Variants in COL28A1 observed in about 807,000 individuals in gnomAD.
COL28A1 encodes the protein collagen type XXVIII alpha 1 chain.
COL28A1 carries 161 observed loss-of-function variants against 150.2 expected under a neutral mutation model. The observed-to-expected ratio is 1.07, with a 90% CI of 0.94 to 1.22. COL28A1 has a LOEUF of 1.22. Among genes scored for constraint, COL28A1 ranks in the 50% most tolerant of loss-of-function variants. The probability of loss-of-function intolerance (pLI) is 0.00; values close to 1 mark genes in which losing one functional copy is unlikely to be tolerated. For missense variants in COL28A1, 1,617 were observed against 1,388.3 expected (o/e 1.16, Z -2.62); for synonymous variants, 552 against 469.7 (o/e 1.18, Z -2.26).
At chr7:7,532,239 T>C (rs1013876862) in intron 2 of COL28A1, among the ~76,000 whole-genome samples, 1 of 152,114 alleles carries the variant, frequency 6.6e-6, no homozygotes, top group African/African-American at 2.4e-5. Flanking sequence ...CTGAGCATAG[T>C]TGTCTAGAAG....
chr7:7,358,626 T>A lies in COL28A1; in HGVS notation c.*7A>T, dbSNP rs1780457854. On this transcript the variant is annotated 3_prime_UTR_variant, in exon 35 of 35. Transcript: ENST00000399429. ...TGCTTTTGATAGAGACAGGCCAATT[T>A]ACTTGCTCATCCTTGAATGCAGGTT... 2.5e-6 allele frequency: 4 copies of A among 1,613,678 alleles called. No homozygotes were observed. The South Asian group carries it at 4.4e-5, about 18-fold the overall frequency.
intron 4 of COL28A1, among the ~76,000 whole-genome samples, chr7:7,523,707 T>A (rs1488087310): frequency 6.6e-6 from 1 of 152,190 alleles, no homozygotes; most frequent in African/African-American, 2.4e-5. Flanking sequence ...GTGCTAAGGC[T>A]CGTCCAATCT....
intron 8 of COL28A1, among the ~76,000 whole-genome samples, chr7:7,513,908 T>C (rs1781285243): frequency 6.6e-6 from 1 of 152,220 alleles, no homozygotes; most frequent in Admixed American, 6.5e-5. Context: ...CACAACTACA[T>C]GGTTTCAGAA....
intron 11 of COL28A1, among the ~76,000 whole-genome samples, chr7:7,498,403 G>C (rs1230541770): frequency 1.3e-5 from 2 of 152,168 alleles, no homozygotes; most frequent in Non-Finnish European, 2.9e-5. Context: ...TATGAGAGCA[G>C]ATGGGTGTAT....
At chr7:7,474,210 T>C (rs1271928359) in intron 15 of COL28A1, among the ~76,000 whole-genome samples, 1 of 151,790 alleles carries the variant, frequency 6.6e-6, no homozygotes, top group African/African-American at 2.4e-5. Context: ...AAACATTGTA[T>C]GTTCTCACTC....
At chr7:7,384,761 C>T (rs1782083414) in intron 27 of COL28A1, among the ~76,000 whole-genome samples, 1 of 152,060 alleles carries the variant, frequency 6.6e-6, no homozygotes, top group African/African-American at 2.4e-5. Flanking sequence ...GCCCCAGAAC[C>T]CTGGATAGGA....
intron 25 of COL28A1, chr7:7,431,308 G>C (rs902449325): frequency 1.3e-4 from 38 of 291,034 alleles, no homozygotes; most frequent in Non-Finnish European, 7.0e-6. Context: ...CTGGTGACAT[G>C]AAGTTAGGAG....
chr7:7,508,856 T>C (rs1415950859), intron 9 of COL28A1, among the ~76,000 whole-genome samples: 2 of 151,952 alleles, frequency 1.3e-5, no homozygotes, highest in Non-Finnish European at 2.9e-5. Context: ...GTTTTTGAGA[T>C]GGAGTCTTAC....
chr7:7,352,436 T>G (rs1025085381), downstream of COL28A1, among the ~76,000 whole-genome samples: 5 of 152,184 alleles, frequency 3.3e-5, no homozygotes. Context: ...CTGAAGGACT[T>G]TGAGGTAGCA....
At chr7:7,540,427 A>C (rs1277027663), upstream of COL28A1, among the ~76,000 whole-genome samples, 1 of 152,234 alleles carries the variant, frequency 6.6e-6, no homozygotes, top group East Asian at 1.9e-4. Flanking sequence ...ATAGTGTTAA[A>C]TCTCTGAACT....
chr7:7,346,984 TTTTC>T, the COL28A1 span, among the ~76,000 whole-genome samples: 184 of 152,228 alleles, frequency 1.2e-3, 1 homozygote, highest in South Asian at 4.6e-3. Context: ...TTAAAATTAT[TTTTC>T]TTTATCAAAC....
the COL28A1 span, among the ~76,000 whole-genome samples, chr7:7,347,236 A>T: frequency 6.6e-6 from 1 of 152,048 alleles, no homozygotes; most frequent in Non-Finnish European, 1.5e-5. Flanking sequence ...GCCCTGACTT[A>T]AAATACCTGT....
At chr7:7,389,496 A>G (rs1325855941) in intron 27 of COL28A1, among the ~76,000 whole-genome samples, 2 of 152,318 alleles carry the variant, frequency 1.3e-5, no homozygotes, top group Admixed American at 6.5e-5. Flanking sequence ...TTTTGATTCC[A>G]TAAGATATTT....
At chr7:7,514,536 A>T (rs1781316624) in intron 8 of COL28A1, among the ~76,000 whole-genome samples, 1 of 152,208 alleles carries the variant, frequency 6.6e-6, no homozygotes, top group Non-Finnish European at 1.5e-5. Context: ...ATTGGCTTAC[A>T]TGTAGGCTCA....
chr7:7,357,326 A>G (rs1375627628), downstream of COL28A1, among the ~76,000 whole-genome samples: 1 of 152,140 alleles, frequency 6.6e-6, no homozygotes, highest in Non-Finnish European at 1.5e-5. Flanking sequence ...CTGGGATTAT[A>G]GGCGTGAGCC....
intron 19 of COL28A1, among the ~76,000 whole-genome samples, chr7:7,443,987 T>G (rs13223775): frequency 3.2e-4 from 17 of 52,648 alleles, no homozygotes; most frequent in Non-Finnish European, 4.9e-4. Flanking sequence ...CCATCTGCTG[T>G]TTTTTTTTTT....
chr7:7,498,100 G>T (rs892018670), intron 11 of COL28A1, among the ~76,000 whole-genome samples: 8 of 152,106 alleles, frequency 5.3e-5, no homozygotes, highest in African/African-American at 1.9e-4. Flanking sequence ...CTTCTAGAAT[G>T]CTATTAGGTT....
chr7:7,519,095 T>C (rs1169722059), intron 6 of COL28A1, among the ~76,000 whole-genome samples: 1 of 152,132 alleles, frequency 6.6e-6, no homozygotes, highest in South Asian at 2.1e-4. Context: ...TGAGACTGGG[T>C]AGTTTATAAA....
chr7:7,344,041 G>A, the COL28A1 span, among the ~76,000 whole-genome samples: 4 of 151,782 alleles, frequency 2.6e-5, no homozygotes, highest in African/African-American at 9.7e-5. Context: ...AGGTGCAGGT[G>A]CATTTCTTAA....
Sources: gnomAD v4.1 joint callset for allele counts (sites outside exome capture counted in the v4.1 genomes callset) on GRCh38, gnomAD v4.1.1 for gene constraint, MANE v1.5 for transcripts, NCBI Gene and HGNC (gene_info 2026-07-23, HGNC 2026-07-21) for gene names.